ARMH3: variants seen among roughly 807,000 people sequenced by gnomAD.
ARMH3 encodes armadillo like helical domain containing 3.
In ARMH3, 60 loss-of-function variants were observed where a neutral mutation model predicts 99.1. The observed-to-expected ratio is 0.61, with a 90% confidence interval of 0.49 to 0.75. The LOEUF (loss-of-function observed/expected upper bound fraction) is 0.75, where lower values mean the gene tolerates loss of function less well. Ranked by LOEUF, ARMH3 falls within the 30% of genes least tolerant of loss-of-function variation. The probability of loss-of-function intolerance (pLI) is 0.00; values close to 1 mark genes in which losing one functional copy is unlikely to be tolerated. For synonymous variants in ARMH3, 285 were observed against 292.8 expected (o/e 0.97, Z 0.27); for missense variants, 679 against 843.1 (o/e 0.81, Z 2.41).
At chr10:101,963,293 C>T (rs1191158536) in intron 20 of ARMH3, among the ~76,000 whole-genome samples, 1 of 152,050 alleles carries the variant, frequency 6.6e-6, no homozygotes, top group Non-Finnish European at 1.5e-5. Context: ...CAGGCACCTG[C>T]CACCACACCT....
chr10:101,852,884 CTTTTT>C (rs796208847), intron 24 of ARMH3, among the ~76,000 whole-genome samples: 1 of 148,178 alleles, frequency 6.7e-6, no homozygotes, highest in Non-Finnish European at 1.5e-5. Context: ...GTGGCCCTTT[CTTTTT>C]TTTTTCTTTT....
At chr10:101,889,961 C>T (rs902991377) in intron 23 of ARMH3, among the ~76,000 whole-genome samples, 2 of 152,102 alleles carry the variant, frequency 1.3e-5, no homozygotes, top group Non-Finnish European at 2.9e-5. Context: ...ATTTTATATC[C>T]GGCCATTCAA....
At chr10:101,993,708 G>T in intron 16 of ARMH3, 105 bp from the exon 17 acceptor site, 1 of 721,668 alleles carries the variant, frequency 1.4e-6, no homozygotes, top group South Asian at 2.1e-5. Context: ...TACTTTCAAG[G>T]ATCAGCTGGA....
Position 102,012,844 on chromosome 10 carries a change from A to C in ARMH3, c.759T>G (p.Ser253=). 2 of 1,610,768 alleles carry C rather than the reference A, an allele frequency of 1.2e-6. No homozygotes were observed. Among genetic ancestry groups the C allele is most frequent in the Non-Finnish European group, 1.7e-6 (2 of 1,178,082 alleles). ...AAAGGTGGACTTACCTGTTGTACTC[A>C]GATAAAGCCTGAGCAATTACAAGTC... ...GMGLVIAQAL[S]EYNRQYKDKE... The change falls in exon 10 of 26, where the codon TCT becomes TCG. Residue 253 remains serine (S), a synonymous_variant. Transcript: ENST00000370033.
intron 16 of ARMH3, 72 bp downstream of exon 16, chr10:101,995,225 G>T: frequency 7.8e-7 from 1 of 1,286,110 alleles, no homozygotes; most frequent in South Asian, 1.2e-5. Flanking sequence ...GACAGTAATG[G>T]GGTGAGGGGA....
intron 2 of ARMH3, among the ~76,000 whole-genome samples, chr10:102,034,969 G>C (rs954878068): frequency 1.3e-5 from 2 of 152,140 alleles, no homozygotes; most frequent in African/African-American, 2.4e-5. Flanking sequence ...AGGCACAGTG[G>C]CTCACACCTG....
chr10:101,889,482 A>C lies in ARMH3; in HGVS notation c.1790T>G (p.Ile597Ser), dbSNP rs780894896. The change falls in exon 24 of 26, where the codon ATC becomes AGC. Residue 597 changes from isoleucine (I) to serine (S), a missense_variant. This residue lies in a region of ARMH3 where 389 missense variants were observed against 456.5 expected (regional missense o/e 0.85). Transcript: ENST00000370033. ...THALVNIRAIINHFNPKIESY... is the reference protein window; with the variant it reads ...THALVNIRAISNHFNPKIESY... ...CTCAATTTTGGGGTTAAAGTGGTTG[A>C]TGATGGCTCTGAAACAAAGAATTCG... 6.2e-7 allele frequency: 1 copy of C among 1,612,870 alleles called. No homozygotes were observed.
chr10:101,891,184 GTTTC>G (rs2067682043), intron 23 of ARMH3, among the ~76,000 whole-genome samples: 1 of 150,564 alleles, frequency 6.6e-6, no homozygotes, highest in Non-Finnish European at 1.5e-5. Context: ...CTGACTGGTA[GTTTC>G]TTTCTTTCTT....
At chr10:101,936,358 G>A (rs1843974532) in intron 23 of ARMH3, among the ~76,000 whole-genome samples, 1 of 151,824 alleles carries the variant, frequency 6.6e-6, no homozygotes, top group South Asian at 2.1e-4. Flanking sequence ...CGGGAATAGT[G>A]GTGCGTGCCT....
intron 1 of ARMH3, among the ~76,000 whole-genome samples, chr10:102,049,905 C>A (rs995274724): frequency 1.6e-4 from 25 of 152,116 alleles, no homozygotes; most frequent in Non-Finnish European, 1.5e-5. Context: ...AGTAACACAA[C>A]TAGTAAGTGA....
intron 23 of ARMH3, among the ~76,000 whole-genome samples, chr10:101,915,474 T>C (rs189303744): frequency 3.9e-5 from 6 of 152,354 alleles, no homozygotes; most frequent in Non-Finnish European, 1.5e-5. Context: ...ACTATCACCA[T>C]GTATGCCCCC....
intron 20 of ARMH3, among the ~76,000 whole-genome samples, chr10:101,972,778 A>G (rs1205034436): frequency 1.3e-5 from 2 of 152,220 alleles, no homozygotes; most frequent in African/African-American, 4.8e-5. Flanking sequence ...ACGTCAACTT[A>G]GCAGAGAACT....
chr10:101,918,936 G>A (rs1843196645), intron 23 of ARMH3, among the ~76,000 whole-genome samples: 1 of 152,148 alleles, frequency 6.6e-6, no homozygotes, highest in East Asian at 1.9e-4. Context: ...CAGGTTTGTG[G>A]GGCACAGGTA....
chr10:101,884,793 C>A (rs200415687), intron 24 of ARMH3, among the ~76,000 whole-genome samples: 5 of 149,782 alleles, frequency 3.3e-5, no homozygotes, highest in African/African-American at 7.4e-5. Flanking sequence ...AACAAACAAA[C>A]AAAAAAAAAC....
intron 19 of ARMH3, among the ~76,000 whole-genome samples, chr10:101,985,118 CATAT>C (rs543289024): frequency 1.1e-4 from 16 of 145,018 alleles, no homozygotes; most frequent in South Asian, 6.5e-4. Flanking sequence ...CACACGTGTA[CATAT>C]ATATACACAC....
At chr10:101,963,131 G>A (rs1023172628) in intron 20 of ARMH3, among the ~76,000 whole-genome samples, 6 of 147,982 alleles carry the variant, frequency 4.1e-5, no homozygotes, top group Admixed American at 2.0e-4. Context: ...CACCATGCCC[G>A]GATAATTTTG....
chr10:101,881,263 C>T (rs912563620), intron 24 of ARMH3, among the ~76,000 whole-genome samples: 7 of 152,146 alleles, frequency 4.6e-5, no homozygotes, highest in African/African-American at 1.4e-4. Flanking sequence ...ACCAGCAGAA[C>T]ACCTTTCTGC....
At chr10:101,871,569 T>C (rs1262341113) in intron 24 of ARMH3, among the ~76,000 whole-genome samples, 2 of 151,818 alleles carry the variant, frequency 1.3e-5, no homozygotes, top group African/African-American at 4.8e-5. Flanking sequence ...GGAGAAAGAG[T>C]AGTCTTTTCA....
chr10:101,906,567 G>A (rs1842644937), intron 23 of ARMH3, among the ~76,000 whole-genome samples: 1 of 152,190 alleles, frequency 6.6e-6, no homozygotes, highest in Non-Finnish European at 1.5e-5. Context: ...ATATTTAGAA[G>A]GCAGGGTTGA....
Sources: allele counts gnomAD v4.1 joint callset (sites outside exome capture counted in the v4.1 genomes callset), GRCh38; gene constraint gnomAD v4.1.1; regional missense constraint gnomAD v4.1.1; transcripts MANE v1.5; gene names NCBI Gene and HGNC (gene_info 2026-07-23, HGNC 2026-07-21).